FSHR: variants seen among roughly 807,000 people sequenced by gnomAD.
FSHR encodes the protein follicle stimulating hormone receptor.
A neutral mutation model predicts 52.1 loss-of-function variants in FSHR; 46 were observed. That is an observed-to-expected ratio of 0.88 (90% CI 0.70 to 1.13). The LOEUF is 1.13. Among genes scored for constraint, FSHR ranks in the 50% most tolerant of loss-of-function variants. The probability of loss-of-function intolerance (pLI) is 0.00; values close to 1 mark genes in which losing one functional copy is unlikely to be tolerated. For synonymous variants in FSHR, 399 were observed against 309.6 expected (o/e 1.29, Z -3.03); for missense variants, 964 against 834.6 (o/e 1.16, Z -1.91).
intron 1 of FSHR, among the ~76,000 whole-genome samples, chr2:49,104,747 A>T (rs1380228937): frequency 6.6e-6 from 1 of 152,026 alleles, no homozygotes; most frequent in Non-Finnish European, 1.5e-5. Flanking sequence ...GCCATCCTCA[A>T]TACAGCAGGG....
At chr2:49,064,406 G>A (rs1026627046) in intron 2 of FSHR, among the ~76,000 whole-genome samples, 13 of 152,036 alleles carry the variant, frequency 8.6e-5, no homozygotes, top group African/African-American at 2.7e-4. Flanking sequence ...TTGGGAGTGG[G>A]TTCTCTCTCT....
rs556802535 is a variant in FSHR at position 49,041,273 on chromosome 2, G to A, written c.225-21113C>T. Among the ~76,000 whole-genome samples, 115 of 152,200 alleles carry A rather than the reference G, an allele frequency of 7.6e-4. 3 individuals carry two copies. The South Asian group carries it at 8.1e-3, about 11-fold the overall frequency. The stretch of plus-strand genomic sequence containing the variant: ...TATTTTTGTGGTGCTCATTTGTGAT[G>A]AGTATGGATAGAAATGGAACTCACT... On this transcript the variant is annotated intron_variant, in intron 2 of 9. Coordinates refer to ENST00000406846, the MANE Select transcript of FSHR (RefSeq NM_000145.4).
intron 1 of FSHR, among the ~76,000 whole-genome samples, chr2:49,147,547 A>G (rs1304318382): frequency 2.0e-5 from 3 of 152,066 alleles, no homozygotes; most frequent in Non-Finnish European, 4.4e-5. Flanking sequence ...TCACCAAGCA[A>G]GTGCAGTTCT....
intron 1 of FSHR, among the ~76,000 whole-genome samples, chr2:49,074,475 C>T (rs1039825574): frequency 1.3e-5 from 2 of 152,094 alleles, no homozygotes; most frequent in Non-Finnish European, 2.9e-5. Flanking sequence ...GATATTGTCT[C>T]GCCAGTTAGG....
At chr2:48,978,308 G>C (rs554630337) in intron 8 of FSHR, among the ~76,000 whole-genome samples, 1 of 152,310 alleles carries the variant, frequency 6.6e-6, no homozygotes, top group African/African-American at 2.4e-5. Flanking sequence ...ATTTCCATAA[G>C]TGAGAGCACA....
intron 1 of FSHR, among the ~76,000 whole-genome samples, chr2:49,074,718 C>A (rs1669882363): frequency 6.6e-6 from 1 of 152,132 alleles, no homozygotes; most frequent in African/African-American, 2.4e-5. Flanking sequence ...GAGACATCTA[C>A]ACTTCCATGT....
chr2:49,050,637 G>A (rs752327573), intron 2 of FSHR, among the ~76,000 whole-genome samples: 7 of 152,042 alleles, frequency 4.6e-5, no homozygotes, highest in Admixed American at 6.6e-5. Flanking sequence ...ATGTTGCTTG[G>A]TTTCTTACCT....
At chr2:49,108,024 G>C (rs1239319019) in intron 1 of FSHR, among the ~76,000 whole-genome samples, 1 of 152,132 alleles carries the variant, frequency 6.6e-6, no homozygotes, top group Non-Finnish European at 1.5e-5. Flanking sequence ...TTCTGGATAA[G>C]ACTAACATTG....
At chr2:48,987,437 C>T (rs1017942073) in intron 6 of FSHR, among the ~76,000 whole-genome samples, 7 of 151,926 alleles carry the variant, frequency 4.6e-5, no homozygotes, top group Non-Finnish European at 1.0e-4. Flanking sequence ...GCCTCAATCT[C>T]CTGACCTCGT....
At chr2:49,024,846 C>A (rs1176479407) in intron 2 of FSHR, among the ~76,000 whole-genome samples, 1 of 152,162 alleles carries the variant, frequency 6.6e-6, no homozygotes, top group Non-Finnish European at 1.5e-5. Context: ...AAACTAAATT[C>A]AGTTGACTGT....
intron 5 of FSHR, among the ~76,000 whole-genome samples, chr2:48,990,064 C>G (rs952792713): frequency 2.6e-5 from 4 of 152,204 alleles, no homozygotes; most frequent in African/African-American, 9.6e-5. Context: ...TACAATTTCA[C>G]TATTGGGAAT....
chr2:49,109,314 A>C (rs1671344339), intron 1 of FSHR, among the ~76,000 whole-genome samples: 1 of 152,046 alleles, frequency 6.6e-6, no homozygotes, highest in African/African-American at 2.4e-5. Context: ...AGTTGGTGTG[A>C]AGAGCTGCCT....
At chr2:49,020,207 T>G in intron 2 of FSHR, 47 bp from the exon 3 acceptor site, 2 of 1,459,726 alleles carry the variant, frequency 1.4e-6, no homozygotes, top group Non-Finnish European at 9.6e-7. Flanking sequence ...GTTACACTCC[T>G]TGAATATTTT....
intron 4 of FSHR, among the ~76,000 whole-genome samples, chr2:48,999,342 C>G (rs968102635): frequency 1.3e-5 from 2 of 152,018 alleles, no homozygotes; most frequent in Non-Finnish European, 2.9e-5. Context: ...TGAGAGAAGT[C>G]CAGTAGCTTT....
intron 1 of FSHR, among the ~76,000 whole-genome samples, chr2:49,090,911 T>C (rs1670582106): frequency 6.6e-6 from 1 of 151,710 alleles, no homozygotes; most frequent in Non-Finnish European, 1.5e-5. Context: ...CATTCTTATA[T>C]TTTTTTTGGT....
intron 1 of FSHR, among the ~76,000 whole-genome samples, chr2:49,133,792 A>C (rs1279623360): frequency 6.6e-6 from 1 of 152,206 alleles, no homozygotes; most frequent in Non-Finnish European, 1.5e-5. Context: ...GATCTTTGAC[A>C]AACCTGACAA....
intron 4 of FSHR, among the ~76,000 whole-genome samples, 167 bp from the exon 5 acceptor site, chr2:48,990,804 C>T (rs913411858): frequency 1.1e-4 from 16 of 151,864 alleles, no homozygotes; most frequent in Non-Finnish European, 1.2e-4. Flanking sequence ...TTTTAAGGTT[C>T]GTTCCACGGT....
At chr2:49,065,037 A>G (rs1669450117) in intron 2 of FSHR, among the ~76,000 whole-genome samples, 2 of 152,148 alleles carry the variant, frequency 1.3e-5, no homozygotes, top group Admixed American at 6.6e-5. Context: ...TGATCCCTTT[A>G]TGTGCCAGAC....
At chr2:49,021,494 G>A (rs1039728879) in intron 2 of FSHR, among the ~76,000 whole-genome samples, 3 of 152,082 alleles carry the variant, frequency 2.0e-5, no homozygotes, top group African/African-American at 4.8e-5. Context: ...GCTGGCCTAG[G>A]ATTTAGCGGA....
Sources: gnomAD v4.1 joint callset for allele counts (sites outside exome capture counted in the v4.1 genomes callset) on GRCh38, gnomAD v4.1.1 for gene constraint, MANE v1.5 for transcripts, NCBI Gene and HGNC (gene_info 2026-07-23, HGNC 2026-07-21) for gene names.